The following LMO7 variants were observed in gnomAD, a reference collection of about 807,000 sequenced individuals.
LMO7 encodes the protein LIM domain 7.
A neutral mutation model predicts 206.5 loss-of-function variants in LMO7; 120 were observed. The observed-to-expected ratio is 0.58, with a 90% CI of 0.50 to 0.68. The LOEUF (loss-of-function observed/expected upper bound fraction) is 0.68. Among genes scored for constraint, LMO7 ranks in the 30% least tolerant of loss-of-function variants. LMO7 has a pLI of 0.00. For synonymous variants in LMO7, 706 were observed against 681.5 expected (o/e 1.04, Z -0.56); for missense variants, 1,959 against 1,957.9 (o/e 1.00, Z -0.01).
intron 1 of LMO7, among the ~76,000 whole-genome samples, chr13:75,704,286 G>T (rs1177655894): frequency 6.6e-6 from 1 of 152,148 alleles, no homozygotes; most frequent in Non-Finnish European, 1.5e-5. Context: ...TTCATGATGT[G>T]GTTCGTCTGT....
At chr13:75,835,429 C>T (rs2059037742) in intron 18 of LMO7, 90 bp downstream of exon 18, 4 of 741,916 alleles carry the variant, frequency 5.4e-6, no homozygotes, top group East Asian at 2.9e-5. Flanking sequence ...TTTGTTTGTA[C>T]AATTTTGATG....
At chr13:75,727,140 T>C in intron 3 of LMO7, 42 bp downstream of exon 3, 1 of 1,321,820 alleles carries the variant, frequency 7.6e-7, no homozygotes, top group Non-Finnish European at 1.1e-6. Flanking sequence ...TATTTGTCTT[T>C]GAAATGTAAA....
At chr13:75,686,666 A>G (rs2041028798) in intron 1 of LMO7, among the ~76,000 whole-genome samples, 1 of 152,142 alleles carries the variant, frequency 6.6e-6, no homozygotes, top group South Asian at 2.1e-4. Context: ...CAGTATCCAA[A>G]AGTGAATCCT....
intron 29 of LMO7, among the ~76,000 whole-genome samples, chr13:75,856,207 C>G (rs1247233257): frequency 6.6e-6 from 1 of 152,140 alleles, no homozygotes; most frequent in Non-Finnish European, 1.5e-5. Context: ...ACCTGCCATT[C>G]CTCTGGGGGG....
chr13:75,710,348 A>T (rs942767746), intron 1 of LMO7, among the ~76,000 whole-genome samples: 1 of 152,214 alleles, frequency 6.6e-6, no homozygotes, highest in Non-Finnish European at 1.5e-5. Flanking sequence ...AGGCATTGGT[A>T]GCTTGATGGG....
In LMO7 at chr13:75,636,636, C is replaced by T; in HGVS notation, c.-22C>T. ...TCCCCTCCACGCATCCCGAGTCTCT[C>T]TCTCCCTCCCTTGTCCTAGCCATGG... On this transcript the variant is annotated 5_prime_UTR_variant, in exon 1 of 31. Transcript: ENST00000377534. 1.3e-6 allele frequency: 2 copies of T among 1,574,918 alleles called. No homozygotes were observed. The highest frequency in any genetic ancestry group is 3.7e-5 in the Admixed American group (2 of 54,522).
chr13:75,798,220 A>G (rs1332231005), intron 6 of LMO7, among the ~76,000 whole-genome samples: 1 of 152,134 alleles, frequency 6.6e-6, no homozygotes, highest in Non-Finnish European at 1.5e-5. Context: ...AAAATACAAA[A>G]TTAGCTGTGT....
At chr13:75,737,133 C>A (rs756283881) in intron 3 of LMO7, among the ~76,000 whole-genome samples, 2 of 152,032 alleles carry the variant, frequency 1.3e-5, no homozygotes, top group Admixed American at 6.5e-5. Flanking sequence ...GTAAGGAGGG[C>A]CCCTAATCTT....
intron 2 of LMO7, among the ~76,000 whole-genome samples, chr13:75,717,446 T>G (rs1298950035): frequency 6.6e-6 from 1 of 151,580 alleles, no homozygotes; most frequent in African/African-American, 2.4e-5. Flanking sequence ...CTTTCTTGTA[T>G]CTTGGAAAGA....
At chr13:75,671,007 A>C (rs2039528601) in intron 1 of LMO7, among the ~76,000 whole-genome samples, 1 of 90,262 alleles carries the variant, frequency 1.1e-5, no homozygotes. Flanking sequence ...TCTTGTTAAA[A>C]ACCAAGACAC....
chr13:75,836,165 T>C (rs2059106721), intron 18 of LMO7, among the ~76,000 whole-genome samples: 1 of 152,140 alleles, frequency 6.6e-6, no homozygotes, highest in Non-Finnish European at 1.5e-5. Flanking sequence ...AAATTAATGA[T>C]CGATTAAACT....
At chr13:75,631,898 T>A (rs948684374), upstream of LMO7, 1 of 152,174 alleles carries the variant, frequency 6.6e-6, no homozygotes, top group African/African-American at 2.4e-5. Context: ...TGTGCATATA[T>A]GTTTGCTTAG....
At chr13:75,634,536 C>T (rs1175401591), upstream of LMO7, among the ~76,000 whole-genome samples, 1 of 152,004 alleles carries the variant, frequency 6.6e-6, no homozygotes. Context: ...GTCAGGACAT[C>T]GAGACCATCC....
intron 1 of LMO7, among the ~76,000 whole-genome samples, chr13:75,644,670 C>T (rs1228203599): frequency 6.6e-6 from 1 of 152,040 alleles, no homozygotes; most frequent in Non-Finnish European, 1.5e-5. Flanking sequence ...GCTCTGTTGC[C>T]CAGGCTGGAG....
chr13:75,829,065 A>G (rs1340311197), intron 15 of LMO7, among the ~76,000 whole-genome samples: 1 of 152,284 alleles, frequency 6.6e-6, no homozygotes, highest in South Asian at 2.1e-4. Flanking sequence ...TAATGAATTC[A>G]GTTTTCGAAT....
chr13:75,666,849 A>G (rs143330716), intron 1 of LMO7, among the ~76,000 whole-genome samples: 3 of 152,360 alleles, frequency 2.0e-5, no homozygotes, highest in Non-Finnish European at 2.9e-5. Flanking sequence ...TGAGTTGCCC[A>G]GAAGCCAGCC....
chr13:75,794,150 G>A (rs918670448), intron 4 of LMO7, among the ~76,000 whole-genome samples: 17 of 152,148 alleles, frequency 1.1e-4, no homozygotes, highest in African/African-American at 3.6e-4. Flanking sequence ...ACATATATAA[G>A]CGTTTATGTT....
At chr13:75,630,210 A>C (rs1359125146) in intron 2 of LMO7, among the ~76,000 whole-genome samples, 1 of 152,148 alleles carries the variant, frequency 6.6e-6, no homozygotes, top group Non-Finnish European at 1.5e-5. Flanking sequence ...CTTACTCCCT[A>C]CACCCAGATC....
chr13:75,624,281 A>G (rs1342977376), intron 2 of LMO7, among the ~76,000 whole-genome samples: 1 of 152,226 alleles, frequency 6.6e-6, no homozygotes, highest in Non-Finnish European at 1.5e-5. Context: ...CTGTAAACCT[A>G]TATTTTGAAT....
Sources: allele counts gnomAD v4.1 joint callset (sites outside exome capture counted in the v4.1 genomes callset), GRCh38; gene constraint gnomAD v4.1.1; transcripts MANE v1.5; gene names NCBI Gene and HGNC (gene_info 2026-07-23, HGNC 2026-07-21).